TECPR1: variants seen among roughly 807,000 people sequenced by gnomAD.
The protein encoded by TECPR1 is tectonin beta-propeller repeat-containing protein 1.
Under a neutral mutation model 162.4 loss-of-function variants are expected in TECPR1, and 122 were observed. That is an observed-to-expected ratio of 0.75 (90% CI 0.65 to 0.87). The LOEUF is 0.87. Ranked by LOEUF, TECPR1 falls within the 40% of genes least tolerant of loss-of-function variation. The pLI is 0.00. For missense variants in TECPR1, 1,432 were observed against 1,618.2 expected, an observed-to-expected ratio of 0.88 and a Z score of 1.97; for synonymous variants, 642 against 670.6, an observed-to-expected ratio of 0.96 and a Z score of 0.66.
chr7:98,247,535 C>G (rs966544035), intron 2 of TECPR1, among the ~76,000 whole-genome samples: 1 of 152,086 alleles, frequency 6.6e-6, no homozygotes, highest in Non-Finnish European at 1.5e-5. Context: ...GGGTCCTTCC[C>G]CAGAGTGGGC....
intron 2 of TECPR1, among the ~76,000 whole-genome samples, chr7:98,250,480 A>T (rs1280211175): frequency 6.6e-6 from 1 of 151,250 alleles, no homozygotes; most frequent in Non-Finnish European, 1.5e-5. Context: ...TAAAAAGTTA[A>T]AAAAAAAATT....
At chr7:98,234,111 CA>C (rs2116584400) in intron 10 of TECPR1, among the ~76,000 whole-genome samples, 200 bp from the exon 11 acceptor site, 1 of 152,392 alleles carries the variant, frequency 6.6e-6, no homozygotes, top group East Asian at 1.9e-4. Flanking sequence ...GGCCACCCTG[CA>C]GACCAATCAC....
intron 9 of TECPR1, 36 bp downstream of exon 9, chr7:98,238,473 C>A: frequency 6.6e-7 from 1 of 1,521,898 alleles, no homozygotes; most frequent in Non-Finnish European, 8.9e-7. Context: ...ATTCTGAGAC[C>A]CCTGCTGTTT....
intron 8 of TECPR1, among the ~76,000 whole-genome samples, chr7:98,240,062 TTGCGCCAC>T (rs1247965420): frequency 6.6e-6 from 1 of 151,802 alleles, no homozygotes; most frequent in African/African-American, 2.4e-5. Flanking sequence ...TGAGCAGAGA[TTGCGCCAC>T]TGCACTCCAG....
In TECPR1 at chr7:98,241,618, AT is replaced by A. The variant is rs1223803267; in HGVS notation, c.658-375del. Among the ~76,000 whole-genome samples the A allele has an allele frequency of 6.6e-6, 1 of 152,142 alleles. No homozygotes were observed. The highest frequency in any genetic ancestry group is 6.5e-5 in the Admixed American group (1 of 15,280). On this transcript the variant is annotated intron_variant, in intron 6 of 25. Coordinates refer to ENST00000447648, the MANE Select transcript of TECPR1 (RefSeq NM_015395.3). This position sits in a 1 kb window ranked among gnomAD's most constrained non-coding sequence, Gnocchi z 5.0. ...AGGCTCCAACTCCCATTCATAAACT[AT>A]CTAAGACGTCAGTTCTTTTTTCCTT...
intron 17 of TECPR1, chr7:98,226,619 C>T (rs534562234): frequency 5.7e-6 from 6 of 1,048,248 alleles, no homozygotes; most frequent in South Asian, 5.5e-5. Context: ...GTGTTTATTT[C>T]GTCAATTTGG....
In TECPR1 at chr7:98,233,662, G is replaced by C; in HGVS notation, c.1431C>G (p.Gly477=). ...SREARPNTHP[G]PAPTPAELPW... The stretch of plus-strand genomic sequence containing the variant: ...GCAGCTCGGCCGGGGTGGGGGCCGG[G>C]CCGGGGTGCGTGTTGGGTCTGGCCT... Residue 477 remains glycine (G), a synonymous_variant, in exon 11 of 26, where the codon GGC becomes GGG. Coordinates refer to ENST00000447648, the MANE Select transcript of TECPR1 (RefSeq NM_015395.3). 1 of 1,598,432 alleles carries C rather than the reference G, an allele frequency of 6.3e-7. No individual in the cohort carries two copies. Among genetic ancestry groups the C allele is most frequent in the Non-Finnish European group, 8.5e-7 (1 of 1,170,708 alleles).
intron 6 of TECPR1, 146 bp downstream of exon 6, chr7:98,243,321 G>A: frequency 8.8e-7 from 1 of 1,139,294 alleles, no homozygotes; most frequent in Non-Finnish European, 1.2e-6. Context: ...GCACGCTGGG[G>A]GCTCGGAGGA....
At chr7:98,236,662 G>A (rs1425724476) in intron 10 of TECPR1, 114 bp downstream of exon 10, 2 of 1,381,676 alleles carry the variant, frequency 1.4e-6, no homozygotes, top group African/African-American at 2.9e-5. Context: ...TCTCCTGCCT[G>A]GGACAAGTCC....
Position 98,217,405 on chromosome 7 carries a change from G to A in TECPR1, c.3483C>T (p.Gly1161=). 1.3e-6 allele frequency: 2 copies of A among 1,597,316 alleles called. No homozygotes were observed. Among genetic ancestry groups the A allele is most frequent in the Non-Finnish European group, 1.7e-6 (2 of 1,172,304 alleles). ...TGGGGGGGCCTCAGCAGCAGACGGG[G>A]CCATGGGCCTCTGGTGGGGCACTCG... ...QEPSAPPEAH[G]PVCC The change falls in exon 26 of 26, where the codon GGC becomes GGT. Residue 1161 remains glycine, a synonymous_variant. Transcript: ENST00000447648.
At position 98,233,846 on chromosome 7, in the gene TECPR1, G is replaced by T. The variant is rs770019943; in HGVS notation, c.1247C>A (p.Ala416Asp). 2 of 1,579,194 alleles carry T rather than the reference G, an allele frequency of 1.3e-6. No individual in the cohort carries two copies. The highest frequency in any genetic ancestry group is 1.7e-6 in the Non-Finnish European group (2 of 1,162,868). The change falls in exon 11 of 26, where the codon GCC (alanine) becomes GAC (aspartate). Residue 416 changes from alanine (A) to aspartate (D), a missense_variant. Transcript: ENST00000447648. Reference sequence around the variant, plus strand: ...CCCTGGTCTCTCGACTTCCGAGGAGGCATCGGTGTCGCTGGGGGCAGACTC... The same window carrying T: ...CCCTGGTCTCTCGACTTCCGAGGAGTCATCGGTGTCGCTGGGGGCAGACTC... ...SGESAPSDTD[A>D]SSEVERPGPG...
rs190133223 is a variant in TECPR1 at position 98,219,867 on chromosome 7, C to T, written c.3157+1794G>A. The stretch of plus-strand genomic sequence containing the variant: ...AGTGAGCCGAGATCGCACCACTGCA[C>T]TCCAGCCTGGGCAACAAGAGCAGAA... On this transcript the variant is annotated intron_variant, in intron 23 of 25. Transcript: ENST00000447648. Among the ~76,000 whole-genome samples the T allele has an allele frequency of 2.8e-3, 432 of 151,852 alleles. 3 individuals are homozygous for T. Among genetic ancestry groups the T allele is most frequent in the South Asian group, 6.4e-3 (31 of 4,818 alleles).
At chr7:98,226,667 C>A in intron 17 of TECPR1, 2 of 1,148,712 alleles carry the variant, frequency 1.7e-6, no homozygotes, top group South Asian at 1.7e-5. Context: ...GTGGCTCTCG[C>A]CTGATGATGC....
chr7:98,225,918 C>T (rs1195686521), intron 17 of TECPR1, among the ~76,000 whole-genome samples: 1 of 152,212 alleles, frequency 6.6e-6, no homozygotes, highest in Non-Finnish European at 1.5e-5. Context: ...AATCCCCACA[C>T]GTGGCCACAT....
At chr7:98,223,258 A>G (rs1332602820) in intron 20 of TECPR1, 88 bp from the exon 21 acceptor site, 4 of 1,362,128 alleles carry the variant, frequency 2.9e-6, no homozygotes, top group African/African-American at 1.5e-5. Flanking sequence ...GGAGGAGGAA[A>G]GCAGCCAACC....
rs1311433300 is a variant in TECPR1, at chr7:98,244,893, C to G, written c.400G>C (p.Glu134Gln). The G allele has an allele frequency of 6.2e-7, 1 of 1,613,032 alleles. No homozygotes were observed. Among genetic ancestry groups the G allele is most frequent in the South Asian group, 1.1e-5 (1 of 91,052 alleles). The change falls in exon 4 of 26, where the codon GAG becomes CAG. Residue 134 changes from glutamate (E) to glutamine (Q), a missense_variant. Coordinates refer to ENST00000447648, the MANE Select transcript of TECPR1 (RefSeq NM_015395.3). ...GTCCCAAGTTCACCTACCCCTTTCT[C>G]AGTGGGTTCACCTCCAAAATTCTCA... is the stretch of plus-strand genomic sequence containing the variant. ...VDENFGGEPT[E>Q]KGGWTYAIDF... is the part of the protein sequence containing the mutation.
chr7:98,244,747 C>G (rs1305507176), intron 4 of TECPR1, 54 bp from the exon 5 acceptor site: 3 of 1,585,678 alleles, frequency 1.9e-6, no homozygotes, highest in African/African-American at 2.7e-5. Context: ...ATTTGAAGAG[C>G]TGGGGAAGGT....
At chr7:98,226,620 G>C (rs1031902413) in intron 17 of TECPR1, 1 of 1,047,924 alleles carries the variant, frequency 9.5e-7, no homozygotes, top group East Asian at 9.2e-5. Context: ...TGTTTATTTC[G>C]TCAATTTGGA....
chr7:98,236,897 G>A lies in TECPR1; in HGVS notation c.1060C>T (p.Arg354Ter), dbSNP rs1289468633. The A allele has an allele frequency of 6.4e-6, 10 of 1,570,806 alleles. No homozygotes were observed. Among genetic ancestry groups the A allele is most frequent in the African/African-American group, 2.7e-5 (2 of 73,406 alleles). ...ACACCCTGCCGGAAGTACACGGCTC[G>A]GTCCTCACAGCCAATGCCCCACACC... ...DQVWGIGCED[R>*]AVYFRQGVTP... Residue 354 changes from arginine to a stop codon, truncating the protein, a stop_gained, in exon 10 of 26, where the codon CGA (arginine) becomes TGA (stop). Coordinates refer to ENST00000447648, the MANE Select transcript of TECPR1 (RefSeq NM_015395.3). LOFTEE classifies it high-confidence loss of function.
Sources: allele counts gnomAD v4.1 joint callset (sites outside exome capture counted in the v4.1 genomes callset), GRCh38; gene constraint gnomAD v4.1.1; non-coding constraint Gnocchi (gnomAD v3.1); transcripts MANE v1.5; gene names NCBI Gene and HGNC (gene_info 2026-07-23, HGNC 2026-07-21).